Variants in CDH12 observed in about 807,000 individuals in gnomAD.
CDH12 encodes the protein cadherin-12.
CDH12 carries 41 observed loss-of-function variants against 74.1 expected under a neutral mutation model. The observed-to-expected ratio is 0.55, with a 90% CI of 0.43 to 0.72. CDH12 has a LOEUF of 0.72. Ranked by LOEUF, CDH12 falls within the 30% of genes least tolerant of loss-of-function variation. The probability of loss-of-function intolerance (pLI) is 0.00; values close to 1 mark genes in which losing one functional copy is unlikely to be tolerated. For missense variants in CDH12, 945 were observed against 977.2 expected (o/e 0.97, Z 0.44); for synonymous variants, 399 against 355.0 (o/e 1.12, Z -1.39).
intron 3 of CDH12, among the ~76,000 whole-genome samples, chr5:22,327,428 C>CTGTGTGTGTGTG (rs71609761): frequency 4.8e-5 from 5 of 103,240 alleles, no homozygotes; most frequent in Admixed American, 2.1e-4. Flanking sequence ...ATTTGTGCCT[C>CTGTGTGTGTGTG]TGTGTGTGTG....
At chr5:21,829,905 A>T (rs780546543) in intron 8 of CDH12, among the ~76,000 whole-genome samples, 92 of 151,968 alleles carry the variant, frequency 6.1e-4, no homozygotes, top group Admixed American at 9.2e-4. Context: ...GTCTGTTAGA[A>T]ATGTTTCTTT....
At chr5:21,833,134 A>ATAACATATAATATATATTATATTAT (rs1749212608) in intron 8 of CDH12, among the ~76,000 whole-genome samples, 1 of 31,456 alleles carries the variant, frequency 3.2e-5, no homozygotes, top group Non-Finnish European at 4.4e-5. Flanking sequence ...ATTATATTAT[A>ATAACATATAATATATATTATATTAT]AATATATATT....
chr5:22,173,963 C>G (rs998826312), intron 4 of CDH12, among the ~76,000 whole-genome samples: 6 of 151,944 alleles, frequency 3.9e-5, no homozygotes, highest in Non-Finnish European at 5.9e-5. Flanking sequence ...CCAGGAATCA[C>G]TTTTGGTTAT....
At chr5:22,539,994 C>A (rs1405038859) in intron 1 of CDH12, among the ~76,000 whole-genome samples, 1 of 152,158 alleles carries the variant, frequency 6.6e-6, no homozygotes, top group Non-Finnish European at 1.5e-5. Context: ...TTGTAGCATT[C>A]TGTCAGCACA....
chr5:22,710,278 T>C (rs991951352), intron 1 of CDH12, among the ~76,000 whole-genome samples: 1 of 152,236 alleles, frequency 6.6e-6, no homozygotes, highest in African/African-American at 2.4e-5. Context: ...TTTTCACTTC[T>C]AAATATACAG....
chr5:22,153,889 A>ATATGTATATATAT (rs1561168560), intron 4 of CDH12, among the ~76,000 whole-genome samples: 224 of 42,022 alleles, frequency 5.3e-3, no homozygotes, highest in Admixed American at 8.0e-3. Flanking sequence ...TATATATATA[A>ATATGTATATATAT]ATATATATAT....
chr5:21,967,009 C>T (rs541616114), intron 6 of CDH12, among the ~76,000 whole-genome samples: 9 of 152,148 alleles, frequency 5.9e-5, no homozygotes, highest in African/African-American at 2.2e-4. Flanking sequence ...ATATTTTCAC[C>T]TGAATCAGTG....
At chr5:21,846,460 G>A (rs1057209783) in intron 7 of CDH12, among the ~76,000 whole-genome samples, 5 of 152,094 alleles carry the variant, frequency 3.3e-5, no homozygotes, top group Non-Finnish European at 7.4e-5. Flanking sequence ...CACTTCAAGA[G>A]TATGTCTGTT....
chr5:22,701,080 G>A (rs749491597), intron 1 of CDH12, among the ~76,000 whole-genome samples: 29 of 151,972 alleles, frequency 1.9e-4, no homozygotes, highest in Admixed American at 3.9e-4. Context: ...AATCTGATCT[G>A]ATCTTAAGGC....
chr5:21,941,924 A>G (rs1432468470), intron 6 of CDH12, among the ~76,000 whole-genome samples: 1 of 152,064 alleles, frequency 6.6e-6, no homozygotes, highest in African/African-American at 2.4e-5. Flanking sequence ...GCTTACTAAA[A>G]TGTCGACGTC....
In CDH12 at chr5:22,645,223, A is replaced by T. The variant is rs557320410; in HGVS notation, c.-522-139859T>A. 3.1e-4 allele frequency among the ~76,000 whole-genome samples: 47 copies of T among 152,220 alleles called. 1 individual carries two copies. Among genetic ancestry groups the T allele is most frequent in the Admixed American group, 2.0e-3 (30 of 15,276 alleles). ...CTTTTGGAAAAGATTCACCATTCTA[A>T]ATGCCATCAAGAATATTCATGATCC... On this transcript the variant is annotated intron_variant, in intron 1 of 14. Coordinates refer to ENST00000382254, the MANE Select transcript of CDH12 (RefSeq NM_004061.5).
chr5:21,880,674 TC>T (rs757683751), intron 6 of CDH12, among the ~76,000 whole-genome samples: 20 of 142,198 alleles, frequency 1.4e-4, no homozygotes, highest in African/African-American at 4.7e-4. Flanking sequence ...TTTCTTTCTT[TC>T]TTTCTTTCTT....
intron 3 of CDH12, among the ~76,000 whole-genome samples, chr5:22,349,664 T>A (rs1402159710): frequency 6.6e-6 from 1 of 152,208 alleles, no homozygotes; most frequent in Non-Finnish European, 1.5e-5. Flanking sequence ...CCCCCAAATA[T>A]GTTTCTCATT....
intron 5 of CDH12, among the ~76,000 whole-genome samples, chr5:22,042,808 T>A (rs184617068): frequency 2.0e-3 from 302 of 149,730 alleles, no homozygotes; most frequent in African/African-American, 6.9e-3. Flanking sequence ...GAGGACTGAT[T>A]CAGCCTGGGA....
chr5:22,479,851 G>T (rs1033317751), intron 2 of CDH12, among the ~76,000 whole-genome samples: 1 of 152,066 alleles, frequency 6.6e-6, no homozygotes, highest in Non-Finnish European at 1.5e-5. Flanking sequence ...GTAATTAAAA[G>T]AGAACTAAAA....
At chr5:22,744,657 G>T (rs1745204866) in intron 1 of CDH12, among the ~76,000 whole-genome samples, 1 of 152,022 alleles carries the variant, frequency 6.6e-6, no homozygotes, top group Non-Finnish European at 1.5e-5. Flanking sequence ...AGCAACTGTA[G>T]ATTTTTGTTG....
intron 2 of CDH12, among the ~76,000 whole-genome samples, chr5:22,405,962 T>C (rs1742922021): frequency 6.6e-6 from 1 of 152,208 alleles, no homozygotes; most frequent in African/African-American, 2.4e-5. Flanking sequence ...ATGTAAATAG[T>C]AGTTATACTG....
At chr5:21,970,363 A>C (rs1209078277) in intron 6 of CDH12, among the ~76,000 whole-genome samples, 2 of 152,172 alleles carry the variant, frequency 1.3e-5, no homozygotes, top group Non-Finnish European at 2.9e-5. Flanking sequence ...TGGCTGGCTC[A>C]AGGGATAAGA....
intron 2 of CDH12, among the ~76,000 whole-genome samples, chr5:22,489,542 T>C (rs1746773854): frequency 6.6e-6 from 1 of 152,118 alleles, no homozygotes; most frequent in African/African-American, 2.4e-5. Context: ...GTATTGAAGA[T>C]ATAGCTACAA....
Sources: allele counts gnomAD v4.1 joint callset (sites outside exome capture counted in the v4.1 genomes callset), GRCh38; gene constraint gnomAD v4.1.1; transcripts MANE v1.5; gene names NCBI Gene and HGNC (gene_info 2026-07-23, HGNC 2026-07-21).